KCNJ14: variants seen among roughly 807,000 people sequenced by gnomAD.
KCNJ14 encodes potassium inwardly rectifying channel subfamily J member 14, also known as ATP-sensitive inward rectifier potassium channel 14.
KCNJ14 carries 18 observed loss-of-function variants against 24.5 expected under a neutral mutation model. The observed-to-expected ratio is 0.74, with a 90% CI of 0.51 to 1.09. The LOEUF (loss-of-function observed/expected upper bound fraction) is 1.09, where lower values mean the gene tolerates loss of function less well. Among genes scored for constraint, KCNJ14 ranks in the 50% least tolerant of loss-of-function variants. The pLI is 0.00. For synonymous variants in KCNJ14, 288 were observed against 270.8 expected (o/e 1.06, Z -0.63); for missense variants, 633 against 623.0 (o/e 1.02, Z -0.17).
In KCNJ14 at chr19:48,461,550, A is replaced by AAAAAAAAG. The variant is rs370425889; in HGVS notation, c.-55-120_-55-119insAAAAAAAG. 96 of 351,430 alleles carry AAAAAAAAG rather than the reference A, an allele frequency of 2.7e-4. 10 individuals carry two copies. The highest frequency in any genetic ancestry group is 1.8e-3 in the African/African-American group (59 of 32,686). The allele number at this position is 351,430 out of a possible 1,614,324, so 21.8% of individuals were successfully genotyped here. On this transcript the variant is annotated intron_variant, in intron 1 of 2. Transcript: ENST00000342291. ...CTCCAAAAAAAAAAAAAAAAAAAAA[A>AAAAAAAAG]TGCGTATCGTTCCACCTATTTGACA...
rs754184467 is a variant in KCNJ14, at chr19:48,464,427, C to T, written c.961C>T (p.Leu321Phe). The part of the protein sequence containing the change: ...AMTTQCRSSY[L>F]PGELLWGHRF... ...GACCACACAGTGTCGCTCGTCCTACCTCCCTGGTGAACTGCTCTGGGGCCA... is the reference window on the plus strand; with the variant it reads ...GACCACACAGTGTCGCTCGTCCTACTTCCCTGGTGAACTGCTCTGGGGCCA... The change falls in exon 3 of 3, where the codon CTC becomes TTC. Residue 321 changes from leucine (L) to phenylalanine (F), a missense_variant. By Grantham distance (22) the Leu-to-Phe change is conservative. Transcript: ENST00000342291. 32 of 1,613,650 alleles carry T rather than the reference C, an allele frequency of 2.0e-5. No homozygotes were observed. Among genetic ancestry groups the T allele is most frequent in the Non-Finnish European group, 2.5e-5 (29 of 1,179,900 alleles).
At position 48,461,988 on chromosome 19, in the gene KCNJ14, G is replaced by C. The variant is rs148520728; in HGVS notation, c.264G>C (p.Trp88Cys). ...FTTCVDVRWRWMCLLFSCSFL... is the reference protein window; with the variant it reads ...FTTCVDVRWRCMCLLFSCSFL... ...CATGCGTGGACGTGCGCTGGCGCTG[G>C]ATGTGCCTGCTCTTCTCCTGCTCCT... The change falls in exon 2 of 3, where the codon TGG becomes TGC. Residue 88 changes from tryptophan (W) to cysteine (C), a missense_variant. Physicochemically the swap from Trp to Cys is radical, Grantham distance 215. Coordinates refer to ENST00000342291, the MANE Select transcript of KCNJ14 (RefSeq NM_013348.4). 362 of 1,613,026 alleles carry C rather than the reference G, an allele frequency of 2.2e-4. No individual in the cohort carries two copies. The highest frequency in any genetic ancestry group is 2.9e-4 in the Non-Finnish European group (343 of 1,179,722).
rs1040848280 is a variant in KCNJ14, at chr19:48,466,122, C to T, written c.*1345C>T. On this transcript the variant is annotated 3_prime_UTR_variant, in exon 3 of 3. Coordinates refer to ENST00000342291, the MANE Select transcript of KCNJ14 (RefSeq NM_013348.4). ...TGAGACTGAGTCTCGCTCTGCCGCC[C>T]AGGCTGGAGTGCAATGGCGTGATCT... 4 of 151,544 alleles carry T rather than the reference C, an allele frequency of 2.6e-5. No homozygotes were observed. Among genetic ancestry groups the T allele is most frequent in the African/African-American group, 9.7e-5 (4 of 41,246 alleles). The allele number at this position is 151,544 out of a possible 1,614,324, so 9.4% of individuals were successfully genotyped here.
chr19:48,460,327 T>G (rs1971581817), intron 1 of KCNJ14, among the ~76,000 whole-genome samples: 1 of 151,606 alleles, frequency 6.6e-6, no homozygotes, highest in African/African-American at 2.4e-5. Flanking sequence ...CACCGCAACC[T>G]CCACCTCCCA....
rs1971611457 is a variant in KCNJ14, at chr19:48,462,379, G to T, written c.655G>T (p.Val219Phe). ...CCACCGCCTCTGCCTCATGTGGCGC[G>T]TCGGCAACCTGCGCCGCAGCCACCT... is the stretch of plus-strand genomic sequence containing the variant. ...RDHRLCLMWR[V>F]GNLRRSHLVE... Residue 219 changes from valine to phenylalanine, a missense_variant, in exon 2 of 3, where the codon GTC becomes TTC. By Grantham distance (50) the Val-to-Phe change is conservative (BLOSUM62 -1). Transcript: ENST00000342291. This position sits in a 1 kb window ranked among gnomAD's most constrained non-coding sequence, Gnocchi z 4.9. The T allele has an allele frequency of 6.5e-7, 1 of 1,530,502 alleles. No individual in the cohort carries two copies. The highest frequency in any genetic ancestry group is 8.8e-7 in the Non-Finnish European group (1 of 1,133,276). 94.8% of individuals were successfully genotyped at this position (1,530,502 alleles called of 1,614,324 possible).
chr19:48,464,575 C>A lies in KCNJ14; in HGVS notation c.1109C>A (p.Ala370Glu). ...VCSAKELDER[A>E]EQASHSLKSS... Reference sequence around the variant, plus strand: ...AGTGCTAAGGAGCTGGATGAACGGGCAGAGCAGGCTTCCCACAGCCTCAAG... The same window carrying A: ...AGTGCTAAGGAGCTGGATGAACGGGAAGAGCAGGCTTCCCACAGCCTCAAG... Residue 370 changes from alanine (A) to glutamate (E), a missense_variant, in exon 3 of 3, where the codon GCA becomes GAA. Physicochemically the swap from Ala to Glu is moderately radical, Grantham distance 107 (BLOSUM62 -1). Transcript: ENST00000342291. The A allele has an allele frequency of 1.9e-6, 3 of 1,614,110 alleles. No individual in the cohort carries two copies. The highest frequency in any genetic ancestry group is 2.5e-6 in the Non-Finnish European group (3 of 1,180,028).
In KCNJ14 at chr19:48,464,791, C is replaced by T. The variant is rs1402276774; in HGVS notation, c.*14C>T. The T allele has an allele frequency of 4.4e-6, 7 of 1,573,542 alleles. No individual in the cohort carries two copies. In the East Asian group the frequency reaches 1.6e-4, roughly 35 times the overall value. On this transcript the variant is annotated 3_prime_UTR_variant, in exon 3 of 3. Coordinates refer to ENST00000342291, the MANE Select transcript of KCNJ14 (RefSeq NM_013348.4). ...CTGCCTCCATGATGCAAACTGATGTCCCCTTCCCCGTGTATGCCCCCTTCC... is the reference window on the plus strand; with the variant it reads ...CTGCCTCCATGATGCAAACTGATGTTCCCTTCCCCGTGTATGCCCCCTTCC...
chr19:48,457,874 C>T (rs533664222), intron 1 of KCNJ14, among the ~76,000 whole-genome samples: 4 of 152,012 alleles, frequency 2.6e-5, no homozygotes, highest in East Asian at 1.9e-4. Context: ...TTAGTGGAGA[C>T]GGGGTTTCAC....
chr19:48,462,479 G>A lies in KCNJ14; in HGVS notation c.714+41G>A, dbSNP rs1971613182. 2 of 1,396,314 alleles carry A rather than the reference G, an allele frequency of 1.4e-6. No individual in the cohort carries two copies. The highest frequency in any genetic ancestry group is 1.5e-5 in the African/African-American group (1 of 68,550). 86.5% of individuals were successfully genotyped at this position (1,396,314 alleles called of 1,614,324 possible). A position where few individuals can be genotyped will look rare whatever the true frequency, so the allele number is the denominator to read the frequency against. On this transcript the variant is annotated intron_variant, in intron 2 of 2. Coordinates refer to ENST00000342291, the MANE Select transcript of KCNJ14 (RefSeq NM_013348.4). The surrounding 1 kb of genome is among the most constrained non-coding windows in gnomAD (Gnocchi z 4.9). Reference sequence around the variant, plus strand: ...GAGGCGGGGACTTCCGTGAGCCCTGGGGGATTGTGGGAGATGTAGGCCCGA... The same window carrying A: ...GAGGCGGGGACTTCCGTGAGCCCTGAGGGATTGTGGGAGATGTAGGCCCGA...
In KCNJ14 at chr19:48,461,715, C is replaced by A; in HGVS notation, c.-10C>A. 1 of 1,398,266 alleles carries A rather than the reference C, an allele frequency of 7.2e-7. No homozygotes were observed. Among genetic ancestry groups the A allele is most frequent in the South Asian group, 1.6e-5 (1 of 62,028 alleles). 86.6% of individuals were successfully genotyped at this position (1,398,266 alleles called of 1,614,324 possible). On this transcript the variant is annotated 5_prime_UTR_variant, in exon 2 of 3. Transcript: ENST00000342291. Reference sequence around the variant, plus strand: ...CCCACTAGGCCAAGTGGAGGGGGTCCCTCCGTCCAATGGGCCTGGCCAGGG... The same window carrying A: ...CCCACTAGGCCAAGTGGAGGGGGTCACTCCGTCCAATGGGCCTGGCCAGGG...
chr19:48,461,048 C>G (rs3107911), intron 1 of KCNJ14, among the ~76,000 whole-genome samples: 1 of 151,896 alleles, frequency 6.6e-6, no homozygotes, highest in South Asian at 2.1e-4. Context: ...TGGCCAGGCG[C>G]GGTGGCTCAC....
In KCNJ14 at chr19:48,466,523, G is replaced by T. The variant is rs1169273155; in HGVS notation, c.*1746G>T. 6.6e-6 allele frequency: 1 copy of T among 152,126 alleles called. No homozygotes were observed. The allele number at this position is 152,126 out of a possible 1,614,324, so 9.4% of individuals were successfully genotyped here. A position where few individuals can be genotyped will look rare whatever the true frequency, so the allele number is the denominator to read the frequency against. On this transcript the variant is annotated 3_prime_UTR_variant, in exon 3 of 3. Coordinates refer to ENST00000342291, the MANE Select transcript of KCNJ14 (RefSeq NM_013348.4). Reference sequence around the variant, plus strand: ...CTAATTGGAATGAGGTCCTTTTCAAGGACCCCAGAAGCTTTGCTCTAAATC... The same window carrying T: ...CTAATTGGAATGAGGTCCTTTTCAATGACCCCAGAAGCTTTGCTCTAAATC...
rs1222499617 is a variant in KCNJ14, at chr19:48,461,907, G to A, written c.183G>A (p.Val61=). ...RFVKKDGHCN[V]RFVNLGGQGA... ...TCAAGAAAGACGGGCACTGCAACGT[G>A]CGTTTCGTAAACCTGGGTGGCCAGG... The change falls in exon 2 of 3, where the codon GTG becomes GTA. Residue 61 remains valine, a synonymous_variant. Coordinates refer to ENST00000342291, the MANE Select transcript of KCNJ14 (RefSeq NM_013348.4). 8 of 1,606,744 alleles carry A rather than the reference G, an allele frequency of 5.0e-6. No individual in the cohort carries two copies. The highest frequency in any genetic ancestry group is 6.0e-6 in the Non-Finnish European group (7 of 1,176,024).
chr19:48,464,286 A>G lies in KCNJ14; in HGVS notation c.820A>G (p.Ile274Val). The part of the protein sequence containing the change: ...DRIFLVSPIT[I>V]VHEIDSASPL... ...TATCTTCCTCGTGTCCCCCATCACC[A>G]TCGTCCATGAGATCGACTCTGCCAG... is the stretch of plus-strand genomic sequence containing the variant. The change falls in exon 3 of 3, where the codon ATC becomes GTC. Residue 274 changes from isoleucine to valine, a missense_variant. Transcript: ENST00000342291. 2 of 1,613,850 alleles carry G rather than the reference A, an allele frequency of 1.2e-6. No homozygotes were observed. The highest frequency in any genetic ancestry group is 1.7e-6 in the Non-Finnish European group (2 of 1,179,954).
At chr19:48,459,102 C>A (rs1023551959) in intron 1 of KCNJ14, among the ~76,000 whole-genome samples, 2 of 149,766 alleles carry the variant, frequency 1.3e-5, no homozygotes, top group African/African-American at 4.9e-5. Flanking sequence ...ATTAGCCGGG[C>A]GTAGTGGCAG....
chr19:48,463,726 C>A (rs917925917), intron 2 of KCNJ14, among the ~76,000 whole-genome samples: 1 of 152,318 alleles, frequency 6.6e-6, no homozygotes, highest in East Asian at 1.9e-4. Context: ...TCTCCCGCTC[C>A]TTCTCCAATT....
chr19:48,459,382 T>C (rs1247724987), intron 1 of KCNJ14, among the ~76,000 whole-genome samples: 2 of 152,030 alleles, frequency 1.3e-5, no homozygotes, highest in Admixed American at 1.3e-4. Context: ...CATTAGTGGG[T>C]TGTCTTTTCC....
In KCNJ14 at chr19:48,462,468, C is replaced by T. The variant is rs898977413; in HGVS notation, c.714+30C>T. ...GCCCGGGAGGAGAGGCGGGGACTTC[C>T]GTGAGCCCTGGGGGATTGTGGGAGA... is the stretch of plus-strand genomic sequence containing the variant. On this transcript the variant is annotated intron_variant, in intron 2 of 2. Coordinates refer to ENST00000342291, the MANE Select transcript of KCNJ14 (RefSeq NM_013348.4). The surrounding 1 kb of genome is among the most constrained non-coding windows in gnomAD (Gnocchi z 4.9). The T allele has an allele frequency of 7.0e-7, 1 of 1,427,418 alleles. No homozygotes were observed. The highest frequency in any genetic ancestry group is 2.5e-5 in the East Asian group (1 of 39,592). 88.4% of individuals were successfully genotyped at this position (1,427,418 alleles called of 1,614,324 possible).
chr19:48,460,100 T>C (rs1196686146), intron 1 of KCNJ14, among the ~76,000 whole-genome samples: 6 of 152,234 alleles, frequency 3.9e-5, no homozygotes, highest in Admixed American at 3.9e-4. Flanking sequence ...GAGCCTGTTT[T>C]TGAACCACAG....
Sources: gnomAD v4.1 joint callset for allele counts (sites outside exome capture counted in the v4.1 genomes callset) on GRCh38, gnomAD v4.1.1 for gene constraint, Gnocchi (gnomAD v3.1) non-coding constraint, MANE v1.5 for transcripts, NCBI Gene and HGNC (gene_info 2026-07-23, HGNC 2026-07-21) for gene names.